EPB41L4A: variants seen among roughly 807,000 people sequenced by gnomAD.
EPB41L4A encodes the protein erythrocyte membrane protein band 4.1 like 4A.
In EPB41L4A, 100 loss-of-function variants were observed where a neutral mutation model predicts 108.6. That is an observed-to-expected ratio of 0.92 (90% CI 0.78 to 1.09). EPB41L4A has a LOEUF of 1.09. EPB41L4A is among the 50% of genes least tolerant of loss of function. The probability of loss-of-function intolerance (pLI) is 0.00; values close to 1 mark genes in which losing one functional copy is unlikely to be tolerated. For missense variants in EPB41L4A, 1,030 were observed against 842.7 expected, an observed-to-expected ratio of 1.22 and a Z score of -2.75; for synonymous variants, 319 against 289.0, an observed-to-expected ratio of 1.10 and a Z score of -1.05.
intron 12 of EPB41L4A, among the ~76,000 whole-genome samples, chr5:112,151,877 C>A (rs186442100): frequency 6.6e-6 from 1 of 151,974 alleles, no homozygotes; most frequent in South Asian, 2.1e-4. Flanking sequence ...ATTACAGGCA[C>A]ATGCCACCAC....
At chr5:112,305,613 A>C in intron 2 of EPB41L4A, among the ~76,000 whole-genome samples, 1 of 152,162 alleles carries the variant, frequency 6.6e-6, no homozygotes, top group Admixed American at 6.6e-5. Flanking sequence ...ACCAAGATGA[A>C]GTACAAAATT....
chr5:112,194,898 C>A (rs1761885366), intron 16 of EPB41L4A, among the ~76,000 whole-genome samples: 1 of 152,012 alleles, frequency 6.6e-6, no homozygotes, highest in Non-Finnish European at 1.5e-5. Flanking sequence ...CAGTATGTTC[C>A]CAGAACGGAC....
intron 1 of EPB41L4A, among the ~76,000 whole-genome samples, chr5:112,330,741 T>C (rs1471174436): frequency 6.6e-6 from 1 of 151,818 alleles, no homozygotes; most frequent in Admixed American, 6.6e-5. Flanking sequence ...TTCTATTCTA[T>C]CTTTGGTATA....
intron 17 of EPB41L4A, among the ~76,000 whole-genome samples, chr5:112,193,826 T>C (rs1761827158): frequency 6.6e-6 from 1 of 152,210 alleles, no homozygotes. Context: ...AAAATGACTC[T>C]GGACATTGCC....
chr5:112,204,272 G>C (rs982572243), intron 15 of EPB41L4A, 103 bp downstream of exon 15: 1 of 689,564 alleles, frequency 1.5e-6, no homozygotes, highest in South Asian at 2.2e-5. Flanking sequence ...TTATCTTGGA[G>C]AGAAACAGTA....
intron 12 of EPB41L4A, among the ~76,000 whole-genome samples, chr5:112,216,834 C>T (rs1747678775): frequency 6.6e-6 from 1 of 152,190 alleles, no homozygotes; most frequent in Non-Finnish European, 1.5e-5. Flanking sequence ...GCCTTAATTT[C>T]ACCAACTTTA....
intron 1 of EPB41L4A, among the ~76,000 whole-genome samples, chr5:112,368,885 T>C (rs989998372): frequency 2.6e-5 from 4 of 152,152 alleles, no homozygotes; most frequent in Non-Finnish European, 5.9e-5. Context: ...TGTCTTTCAC[T>C]CTGCCTTCTC....
At chr5:112,248,423 T>G (rs1750395386) in intron 9 of EPB41L4A, among the ~76,000 whole-genome samples, 1 of 152,218 alleles carries the variant, frequency 6.6e-6, no homozygotes, top group South Asian at 2.1e-4. Context: ...TTGCTTTTTG[T>G]AAAATTACTC....
At chr5:112,166,528 T>G (rs1278890350) in intron 22 of EPB41L4A, among the ~76,000 whole-genome samples, 3 of 152,172 alleles carry the variant, frequency 2.0e-5, no homozygotes, top group Non-Finnish European at 4.4e-5. Context: ...GCCACTCACA[T>G]GGCTAGCTCC....
chr5:112,337,003 A>C (rs1000558587), intron 1 of EPB41L4A, among the ~76,000 whole-genome samples: 5 of 152,198 alleles, frequency 3.3e-5, no homozygotes, highest in African/African-American at 1.2e-4. Flanking sequence ...TTGAGAACCC[A>C]AACAACAACA....
chr5:112,209,255 A>G (rs990349537), intron 13 of EPB41L4A, among the ~76,000 whole-genome samples: 4 of 152,262 alleles, frequency 2.6e-5, no homozygotes, highest in African/African-American at 9.6e-5. Flanking sequence ...TGTTGTTTAT[A>G]ATGCTGTTCC....
In EPB41L4A at chr5:112,155,390, A is replaced by G. The variant is rs559403690; in HGVS notation, n.994+3011T>C. The stretch of plus-strand genomic sequence containing the variant: ...ACAACCAAAAAAAAAAAAGTGTATC[A>G]AATGCTTTGAGATACATCACAAACA... On this transcript the variant is annotated intron_variant and non_coding_transcript_variant, in intron 12 of 13. Coordinates refer to the EPB41L4A transcript ENST00000507810. Among the ~76,000 whole-genome samples the G allele has an allele frequency of 9.8e-5, 15 of 152,290 alleles. No homozygotes were observed. The East Asian group carries it at 2.7e-3, about 27-fold the overall frequency.
intron 1 of EPB41L4A, among the ~76,000 whole-genome samples, chr5:112,398,704 T>C (rs1289097463): frequency 6.6e-6 from 1 of 152,154 alleles, no homozygotes; most frequent in Non-Finnish European, 1.5e-5. Flanking sequence ...AAGGTGGGTT[T>C]TCTTTCTTTC....
At chr5:112,275,536 A>C in intron 3 of EPB41L4A, 132 bp from the exon 4 acceptor site, 1 of 1,144,784 alleles carries the variant, frequency 8.7e-7, no homozygotes, top group Non-Finnish European at 1.2e-6. Context: ...AGATAAAAAC[A>C]GCAAGGTTCA....
intron 1 of EPB41L4A, among the ~76,000 whole-genome samples, chr5:112,394,946 C>T (rs939546346): frequency 9.2e-5 from 14 of 152,240 alleles, no homozygotes; most frequent in South Asian, 8.3e-4. Flanking sequence ...CACCACACAT[C>T]GACAACCATC....
At chr5:112,411,660 C>G (rs1762419936) in intron 1 of EPB41L4A, among the ~76,000 whole-genome samples, 1 of 151,642 alleles carries the variant, frequency 6.6e-6, no homozygotes. Context: ...AATCACAAAG[C>G]CAGTAATTAC....
At chr5:112,176,461 C>A (rs1760867315) in intron 18 of EPB41L4A, among the ~76,000 whole-genome samples, 1 of 152,070 alleles carries the variant, frequency 6.6e-6, no homozygotes, top group South Asian at 2.1e-4. Flanking sequence ...TTGATTCTCT[C>A]CCCCCCAAAA....
chr5:112,213,712 A>G (rs1747413737), intron 12 of EPB41L4A, among the ~76,000 whole-genome samples: 3 of 152,184 alleles, frequency 2.0e-5, no homozygotes, highest in South Asian at 4.1e-4. Context: ...CCCCTACTCT[A>G]TAACAAATGT....
intron 1 of EPB41L4A, among the ~76,000 whole-genome samples, chr5:112,310,770 A>G (rs1009885207): frequency 2.6e-5 from 4 of 152,020 alleles, no homozygotes; most frequent in African/African-American, 9.7e-5. Context: ...CTAATGTGCA[A>G]ACAATCCCCC....
Sources: gnomAD v4.1 joint callset for allele counts (sites outside exome capture counted in the v4.1 genomes callset) on GRCh38, gnomAD v4.1.1 for gene constraint, MANE v1.5 for transcripts, NCBI Gene and HGNC (gene_info 2026-07-23, HGNC 2026-07-21) for gene names.